Variants in ROBO2 observed in about 807,000 individuals in gnomAD.
The protein encoded by ROBO2 is roundabout homolog 2.
A neutral mutation model predicts 160.8 loss-of-function variants in ROBO2; 53 were observed. The observed-to-expected ratio is 0.33, with a 90% CI of 0.26 to 0.41. The LOEUF (loss-of-function observed/expected upper bound fraction) is 0.41. Ranked by LOEUF, ROBO2 falls within the 10% of genes least tolerant of loss-of-function variation. The pLI is 1.00. For missense variants in ROBO2, 1,577 were observed against 1,722.4 expected (o/e 0.92, Z 1.49); for synonymous variants, 664 against 611.7 (o/e 1.09, Z -1.26).
chr3:77,403,192 G>A (rs1277765779), intron 2 of ROBO2, among the ~76,000 whole-genome samples: 2 of 152,162 alleles, frequency 1.3e-5, no homozygotes, highest in Admixed American at 6.5e-5. Context: ...GTTAACATGT[G>A]CATTGTCTCA....
intron 2 of ROBO2, among the ~76,000 whole-genome samples, chr3:76,170,387 A>C (rs1559609840): frequency 6.6e-6 from 1 of 152,198 alleles, no homozygotes; most frequent in African/African-American, 2.4e-5. Flanking sequence ...TGCAGCTACA[A>C]ATTGAGGCCA....
chr3:76,582,041 G>A (rs116222000), intron 2 of ROBO2, among the ~76,000 whole-genome samples: 4,854 of 152,086 alleles, frequency 0.032, 209 homozygotes, highest in African/African-American at 0.098. Flanking sequence ...ACATGAAGAG[G>A]GTCAAAAGTG....
At chr3:77,481,820 C>A (rs2084730031) in intron 4 of ROBO2, among the ~76,000 whole-genome samples, 1 of 151,940 alleles carries the variant, frequency 6.6e-6, no homozygotes, top group East Asian at 1.9e-4. Flanking sequence ...TAAAAACTGA[C>A]TAGAACCATA....
intron 2 of ROBO2, among the ~76,000 whole-genome samples, chr3:76,598,363 G>A (rs2086879058): frequency 6.6e-6 from 1 of 152,056 alleles, no homozygotes; most frequent in African/African-American, 2.4e-5. Flanking sequence ...AGAGACTTCT[G>A]AGGAGCTGGA....
At chr3:75,993,838 C>G (rs929608691) in intron 2 of ROBO2, among the ~76,000 whole-genome samples, 2 of 152,180 alleles carry the variant, frequency 1.3e-5, no homozygotes, top group Non-Finnish European at 2.9e-5. Context: ...GATTTACCAG[C>G]TATTCTCTTT....
intron 4 of ROBO2, among the ~76,000 whole-genome samples, chr3:77,492,108 A>G (rs137947619): frequency 1.2e-3 from 188 of 152,302 alleles, no homozygotes; most frequent in African/African-American, 4.3e-3. Flanking sequence ...TTGAAACTCA[A>G]GTTCTAAGTG....
At chr3:76,525,202 A>G (rs1560092139) in intron 2 of ROBO2, among the ~76,000 whole-genome samples, 4 of 151,944 alleles carry the variant, frequency 2.6e-5, no homozygotes, top group African/African-American at 9.7e-5. Flanking sequence ...GGTAGAAAGA[A>G]AAAGAGGAAA....
At chr3:76,563,815 A>C (rs1578175515) in intron 2 of ROBO2, among the ~76,000 whole-genome samples, 1 of 152,240 alleles carries the variant, frequency 6.6e-6, no homozygotes, top group South Asian at 2.1e-4. Context: ...CTTTACCTTA[A>C]GCAATTTTTT....
intron 2 of ROBO2, among the ~76,000 whole-genome samples, chr3:77,104,497 CTT>C (rs955650549): frequency 1.9e-4 from 29 of 152,068 alleles, no homozygotes; most frequent in Non-Finnish European, 4.3e-4. Flanking sequence ...ATTACTCCCA[CTT>C]TTTTTCTGCT....
intron 5 of ROBO2, among the ~76,000 whole-genome samples, chr3:77,513,083 A>G (rs960025686): frequency 6.6e-6 from 1 of 151,942 alleles, no homozygotes; most frequent in Non-Finnish European, 1.5e-5. Flanking sequence ...CCAGTCAGGA[A>G]GTTTTATAGA....
At chr3:76,364,805 T>TTTTTTTACAATA (rs2075718643) in intron 2 of ROBO2, among the ~76,000 whole-genome samples, 1 of 152,028 alleles carries the variant, frequency 6.6e-6, no homozygotes, top group African/African-American at 2.4e-5. Flanking sequence ...AATAATACTT[T>TTTTTTTACAATA]TCTTCTTTTA....
chr3:76,524,078 T>A (rs2081794833), intron 2 of ROBO2, among the ~76,000 whole-genome samples: 1 of 151,942 alleles, frequency 6.6e-6, no homozygotes, highest in African/African-American at 2.4e-5. Flanking sequence ...AAGTTTGAAG[T>A]CTTAATAATA....
rs1649868939 is a variant in ROBO2 at position 76,988,023 on chromosome 3, G to A, written c.110-109991G>A. 4.6e-5 allele frequency among the ~76,000 whole-genome samples: 7 copies of A among 152,140 alleles called. No homozygotes were observed. In the South Asian group the frequency reaches 1.5e-3, roughly 32 times the overall value. On this transcript the variant is annotated intron_variant, in intron 2 of 26. Coordinates refer to the ROBO2 transcript ENST00000487694. ...GACATTTCTTACTGTTAAAATACAT[G>A]TATATAAGCTAACTTTATTTGGTAA...
chr3:76,088,906 A>G (rs907935026), intron 2 of ROBO2, among the ~76,000 whole-genome samples: 11 of 152,050 alleles, frequency 7.2e-5, no homozygotes, highest in Non-Finnish European at 1.2e-4. Flanking sequence ...CAATAGAGAA[A>G]ATCAATGAAA....
At chr3:76,916,725 TCTAACACC>T (rs1577460205) in intron 2 of ROBO2, among the ~76,000 whole-genome samples, 2 of 152,118 alleles carry the variant, frequency 1.3e-5, no homozygotes. Context: ...AGTAAAATCA[TCTAACACC>T]ATAACATTTC....
chr3:76,962,412 G>A (rs1342501072), intron 2 of ROBO2, among the ~76,000 whole-genome samples: 2 of 151,998 alleles, frequency 1.3e-5, no homozygotes, highest in Non-Finnish European at 2.9e-5. Flanking sequence ...GCTGAGGCAG[G>A]CAGATCACCT....
chr3:76,663,024 A>G (rs1027668000), intron 2 of ROBO2, among the ~76,000 whole-genome samples: 1 of 152,210 alleles, frequency 6.6e-6, no homozygotes, highest in African/African-American at 2.4e-5. Flanking sequence ...GAGGAAGTGG[A>G]TCACAGAAAA....
Position 76,775,474 on chromosome 3 carries a change from CT to C in ROBO2, c.110-322537del, listed in dbSNP as rs768681564. 4.0e-5 allele frequency among the ~76,000 whole-genome samples: 6 copies of C among 150,882 alleles called. No homozygotes were observed. In the East Asian group the frequency reaches 1.2e-3, roughly 30 times the overall value. Reference sequence around the variant, plus strand: ...CAACAAGTTACTGGACGAAAGTAAACTTTAATTGAAATCTAAAAATTACTTT... The same window carrying C: ...CAACAAGTTACTGGACGAAAGTAAACTTAATTGAAATCTAAAAATTACTTT... On this transcript the variant is annotated intron_variant, in intron 2 of 26. Transcript: ENST00000487694.
At chr3:77,067,315 C>G (rs1559938778) in intron 1 of ROBO2, among the ~76,000 whole-genome samples, 1 of 152,142 alleles carries the variant, frequency 6.6e-6, no homozygotes, top group Admixed American at 6.6e-5. Flanking sequence ...AAACTCAACA[C>G]TCAGTTTTGC....
Sources: allele counts gnomAD v4.1 joint callset (sites outside exome capture counted in the v4.1 genomes callset), GRCh38; gene constraint gnomAD v4.1.1; transcripts MANE v1.5; gene names NCBI Gene and HGNC (gene_info 2026-07-23, HGNC 2026-07-21).